TFRC: variants seen among roughly 807,000 people sequenced by gnomAD.
TFRC encodes the protein transferrin receptor, also known as transferrin receptor protein 1.
In TFRC, 35 loss-of-function variants were observed where a neutral mutation model predicts 85.8. The observed-to-expected ratio is 0.41, with a 90% CI of 0.31 to 0.54. The LOEUF (loss-of-function observed/expected upper bound fraction) is 0.54, where lower values mean the gene tolerates loss of function less well. Among genes scored for constraint, TFRC ranks in the 20% least tolerant of loss-of-function variants. The pLI is 0.31. For synonymous variants in TFRC, 362 were observed against 328.6 expected, an observed-to-expected ratio of 1.10 and a Z score of -1.10; for missense variants, 828 against 921.5, an observed-to-expected ratio of 0.90 and a Z score of 1.31.
chr3:196,076,984 T>C, intron 2 of TFRC, 80 bp downstream of exon 2: 1 of 1,339,936 alleles, frequency 7.5e-7, no homozygotes, highest in East Asian at 2.3e-5. Context: ...GGGGTTATTA[T>C]TTCATGCTTA....
At chr3:196,060,049 A>G in intron 14 of TFRC, 131 bp downstream of exon 14, 1 of 663,664 alleles carries the variant, frequency 1.5e-6, no homozygotes, top group Non-Finnish European at 2.6e-6. Flanking sequence ...CCCTTAAATA[A>G]CGCTGCTATA....
At chr3:196,071,215 G>C (rs1455053676) in intron 6 of TFRC, among the ~76,000 whole-genome samples, 181 bp downstream of exon 6, 3 of 152,194 alleles carry the variant, frequency 2.0e-5, no homozygotes, top group Non-Finnish European at 4.4e-5. Context: ...AACAGGACAT[G>C]GGGAAAGTGA....
intron 3 of TFRC, chr3:196,074,360 C>G (rs1055581293): frequency 2.9e-6 from 1 of 346,904 alleles, no homozygotes; most frequent in Non-Finnish European, 5.2e-6. Context: ...TTCCAAAAGA[C>G]CCCCTTGAAA....
intron 11 of TFRC, among the ~76,000 whole-genome samples, 193 bp downstream of exon 11, chr3:196,064,116 A>T (rs1717512968): frequency 6.6e-6 from 1 of 152,210 alleles, no homozygotes; most frequent in Non-Finnish European, 1.5e-5. Context: ...TTTCTAGCAC[A>T]GTTAAGACAC....
chr3:196,067,489 T>C (rs750335688), intron 9 of TFRC, 29 bp downstream of exon 9: 8 of 1,609,934 alleles, frequency 5.0e-6, no homozygotes, highest in South Asian at 2.2e-5. Context: ...AACCTCACTA[T>C]GCAAGACCGC....
Position 196,055,202 on chromosome 3 carries a change from C to T in TFRC, c.1777G>A (p.Val593Ile). 1 of 1,614,226 alleles carries T rather than the reference C, an allele frequency of 6.2e-7. No homozygotes were observed. The highest frequency in any genetic ancestry group is 8.5e-7 in the Non-Finnish European group (1 of 1,180,050). The change falls in exon 17 of 19, where the codon GTC becomes ATC. Residue 593 changes from valine to isoleucine, a missense_variant. Val to Ile is a conservative substitution (Grantham distance 29, BLOSUM62 3). Transcript: ENST00000360110. ...AGTTTAATCACGAACTGACCAGCGA[C>T]CTCTGCAGCTGCTCGTGCCACTTTG... ...LNKVARAAAE[V>I]AGQFVIKLTH...
intron 14 of TFRC, among the ~76,000 whole-genome samples, chr3:196,059,228 C>T (rs955487110): frequency 1.7e-4 from 26 of 152,048 alleles, no homozygotes; most frequent in African/African-American, 5.6e-4. Context: ...GCAGGAGAAT[C>T]GCTTGAACCC....
intron 4 of TFRC, chr3:196,072,696 C>T (rs41301371): frequency 0.3 from 44,783 of 148,628 alleles, 7,373 homozygotes; most frequent in Non-Finnish European, 0.38. Flanking sequence ...GTAGAAAATG[C>T]CATAACTTAA....
intron 14 of TFRC, among the ~76,000 whole-genome samples, chr3:196,059,836 T>C (rs1159806293): frequency 1.4e-5 from 2 of 147,708 alleles, no homozygotes; most frequent in Non-Finnish European, 3.0e-5. Context: ...TAATTGTTTA[T>C]TCAATGAATA....
At chr3:196,067,403 C>T in intron 9 of TFRC, 115 bp downstream of exon 9, 1 of 1,205,036 alleles carries the variant, frequency 8.3e-7, no homozygotes, top group Non-Finnish European at 1.2e-6. Flanking sequence ...AACCATCCTC[C>T]AAATTCCCAA....
chr3:196,078,895 C>T (rs1413844672), intron 1 of TFRC, among the ~76,000 whole-genome samples: 1 of 151,532 alleles, frequency 6.6e-6, no homozygotes, highest in Admixed American at 6.6e-5. Context: ...CCACCTCAGA[C>T]TCCGAGTAGC....
Position 196,071,985 on chromosome 3 carries a change from T to C in TFRC, c.584+18A>G, listed in dbSNP as rs1718249066. Reference sequence around the variant, plus strand: ...ATAGCTACTTGTATAAAAATAAGTTTACCATCTTTCAACATACCTGTCTTT... The same window carrying C: ...ATAGCTACTTGTATAAAAATAAGTTCACCATCTTTCAACATACCTGTCTTT... On this transcript the variant is annotated intron_variant, in intron 5 of 18. Transcript: ENST00000360110. The C allele has an allele frequency of 6.2e-7, 1 of 1,603,080 alleles. No individual in the cohort carries two copies. Among genetic ancestry groups the C allele is most frequent in the Non-Finnish European group, 8.5e-7 (1 of 1,175,162 alleles).
In TFRC at chr3:196,071,995, C is replaced by A. The variant is rs1265630480; in HGVS notation, c.584+8G>T. On this transcript the variant is annotated splice_region_variant and intron_variant, in intron 5 of 18. Coordinates refer to ENST00000360110, the MANE Select transcript of TFRC (RefSeq NM_001128148.3). ...GTATAAAAATAAGTTTACCATCTTT[C>A]AACATACCTGTCTTTGACCTGAATC... The A allele has an allele frequency of 1.2e-6, 2 of 1,609,140 alleles. No individual in the cohort carries two copies. The highest frequency in any genetic ancestry group is 1.1e-5 in the South Asian group (1 of 90,364).
chr3:196,077,542 A>G, intron 1 of TFRC, among the ~76,000 whole-genome samples: 1 of 151,468 alleles, frequency 6.6e-6, no homozygotes, highest in East Asian at 2.0e-4. Flanking sequence ...ACCTGAGGTC[A>G]GGAGTTCAAG....
intron 9 of TFRC, 86 bp from the exon 10 acceptor site, chr3:196,065,686 G>A (rs1717680750): frequency 7.0e-7 from 1 of 1,424,684 alleles, no homozygotes; most frequent in South Asian, 1.5e-5. Context: ...AGATTAAGAG[G>A]ACATATAAAC....
intron 1 of TFRC, among the ~76,000 whole-genome samples, chr3:196,077,942 T>C (rs571393583): frequency 6.6e-6 from 1 of 152,278 alleles, no homozygotes; most frequent in East Asian, 1.9e-4. Flanking sequence ...CAGATTACGC[T>C]GTTTTACAGA....
At chr3:196,070,774 A>AAATAATAATAAT (rs58386151) in intron 6 of TFRC, among the ~76,000 whole-genome samples, 24,237 of 135,516 alleles carry the variant, frequency 0.18, 2,559 homozygotes, top group Non-Finnish European at 0.22. Flanking sequence ...TGTCTCTACC[A>AAATAATAATAAT]AATAATAATA....
intron 14 of TFRC, 200 bp from the exon 15 acceptor site, chr3:196,058,832 T>C: frequency 2.9e-6 from 1 of 345,488 alleles, no homozygotes; most frequent in Non-Finnish European, 5.2e-6. Context: ...TTCCTTTAGT[T>C]ATGGTGAGGA....
chr3:196,065,640 C>G (rs764745935), intron 9 of TFRC, 40 bp from the exon 10 acceptor site: 22 of 1,563,378 alleles, frequency 1.4e-5, no homozygotes, highest in Non-Finnish European at 1.9e-5. Context: ...AGTTATTGTT[C>G]CTTGCCCAGG....
Sources: allele counts gnomAD v4.1 joint callset (sites outside exome capture counted in the v4.1 genomes callset), GRCh38; gene constraint gnomAD v4.1.1; transcripts MANE v1.5; gene names NCBI Gene and HGNC (gene_info 2026-07-23, HGNC 2026-07-21).